SYCP1: variants seen among roughly 807,000 people sequenced by gnomAD.
The protein encoded by SYCP1 is cancer/testis antigen 8.
In SYCP1, 64 loss-of-function variants were observed where a neutral mutation model predicts 153.1. The ratio of observed to expected loss-of-function variants is 0.42; its 90% CI spans 0.34 to 0.51. The LOEUF is 0.51. SYCP1 is among the 20% of genes least tolerant of loss of function. SYCP1 has a pLI of 0.06. For synonymous variants in SYCP1, 384 were observed against 341.8 expected (o/e 1.12, Z -1.36); for missense variants, 997 against 1,049.0 (o/e 0.95, Z 0.68).
In SYCP1 at chr1:114,911,501, T is replaced by C. The variant is rs768173712; in HGVS notation, c.1448T>C (p.Ile483Thr). The C allele has an allele frequency of 1.2e-5, 18 of 1,556,118 alleles. No individual in the cohort carries two copies. Among genetic ancestry groups the C allele is most frequent in the Admixed American group, 2.0e-5 (1 of 49,942 alleles). Residue 483 changes from isoleucine (I) to threonine (T), a missense_variant, in exon 18 of 32, where the codon ATA (isoleucine) becomes ACA (threonine). Ile to Thr is a moderately conservative substitution (Grantham distance 89, BLOSUM62 -1). This residue lies in a region of SYCP1 where 712 missense variants were observed against 682.9 expected (regional missense o/e 1.04). Coordinates refer to ENST00000369522, the MANE Select transcript of SYCP1 (RefSeq NM_003176.4). ...AREKEVHDLE[I>T]QLTAITTSEQ... ...CAGAAAGAAGTACATGATTTGGAAA[T>C]ACAGTTAACTGCCATTACCACAAGT... is the stretch of plus-strand genomic sequence containing the variant.
intron 27 of SYCP1, among the ~76,000 whole-genome samples, chr1:114,977,288 A>G (rs982337655): frequency 1.3e-5 from 2 of 151,806 alleles, no homozygotes; most frequent in Non-Finnish European, 3.0e-5. Flanking sequence ...TACAAATAAG[A>G]AAGCTGAGAT....
At chr1:114,915,023 G>A (rs1353141858) in intron 20 of SYCP1, among the ~76,000 whole-genome samples, 6 of 150,604 alleles carry the variant, frequency 4.0e-5, no homozygotes, top group Non-Finnish European at 7.4e-5. Context: ...TGCCCCCCAC[G>A]ACTTTATGCT....
chr1:114,981,803 C>T (rs936203739), intron 29 of SYCP1, among the ~76,000 whole-genome samples: 9 of 151,842 alleles, frequency 5.9e-5, no homozygotes, highest in South Asian at 2.1e-4. Flanking sequence ...TCATTTTTTT[C>T]GATCACTGTC....
intron 27 of SYCP1, among the ~76,000 whole-genome samples, chr1:114,962,379 C>T (rs1304757585): frequency 6.6e-6 from 1 of 152,124 alleles, no homozygotes. Context: ...GTGATATTTT[C>T]CTGTTAAACA....
chr1:114,976,443 T>G (rs1373175934), intron 27 of SYCP1, among the ~76,000 whole-genome samples: 1 of 151,834 alleles, frequency 6.6e-6, no homozygotes, highest in Non-Finnish European at 1.5e-5. Flanking sequence ...CATTCTTGTA[T>G]GAGCTGTTTC....
At chr1:114,981,642 GT>G (rs1673162476) in intron 29 of SYCP1, 130 bp downstream of exon 29, 1 of 825,532 alleles carries the variant, frequency 1.2e-6, no homozygotes, top group African/African-American at 1.8e-5. Flanking sequence ...TTTTTTTGTG[GT>G]ATCAGCATGA....
chr1:114,887,639 G>T lies in SYCP1; in HGVS notation c.1204G>T (p.Glu402Ter). ...ATATTTTACAAGATTGGAAAAAAAT[G>T]AAGATCAATTGAAAATACTTACCAT... is the stretch of plus-strand genomic sequence containing the variant. ...RTEQQRLEKN[E>*]DQLKILTMEL... Residue 402 changes from glutamate (E) to a stop codon, truncating the protein, a stop_gained, in exon 15 of 32, where the codon GAA becomes TAA. Coordinates refer to ENST00000369522, the MANE Select transcript of SYCP1 (RefSeq NM_003176.4). LOFTEE classifies it high-confidence loss of function. The T allele has an allele frequency of 6.4e-7, 1 of 1,559,678 alleles. No individual in the cohort carries two copies. The highest frequency in any genetic ancestry group is 8.7e-7 in the Non-Finnish European group (1 of 1,149,242).
At chr1:114,933,944 C>A (rs901046122) in intron 23 of SYCP1, among the ~76,000 whole-genome samples, 1 of 152,116 alleles carries the variant, frequency 6.6e-6, no homozygotes, top group African/African-American at 2.4e-5. Flanking sequence ...ATTGGTGTAC[C>A]TGAAAGTGAT....
intron 16 of SYCP1, among the ~76,000 whole-genome samples, chr1:114,899,007 G>T (rs1294629154): frequency 6.6e-6 from 1 of 152,156 alleles, no homozygotes; most frequent in Non-Finnish European, 1.5e-5. Context: ...AACGGTGTGA[G>T]GCCAGTTTTT....
intron 27 of SYCP1, among the ~76,000 whole-genome samples, chr1:114,968,287 C>T (rs933198887): frequency 6.6e-6 from 1 of 152,194 alleles, no homozygotes; most frequent in Non-Finnish European, 1.5e-5. Context: ...CAACTTGGTT[C>T]CATTCTCCCT....
At chr1:114,952,113 G>T (rs1412868316) in intron 27 of SYCP1, among the ~76,000 whole-genome samples, 1 of 152,170 alleles carries the variant, frequency 6.6e-6, no homozygotes, top group Non-Finnish European at 1.5e-5. Flanking sequence ...AAATAAAGCT[G>T]TTATGAACAT....
intron 30 of SYCP1, among the ~76,000 whole-genome samples, chr1:114,989,617 C>T (rs1673780627): frequency 6.6e-6 from 1 of 151,896 alleles, no homozygotes; most frequent in African/African-American, 2.4e-5. Context: ...TTTCAAGACA[C>T]TCATTTTAGA....
At chr1:114,871,760 A>G (rs995748952) in intron 8 of SYCP1, among the ~76,000 whole-genome samples, 4 of 151,876 alleles carry the variant, frequency 2.6e-5, no homozygotes, top group East Asian at 3.9e-4. Context: ...TAATTTTTGT[A>G]TGTTTAGTAG....
At chr1:114,922,255 A>C (rs1170403117) in intron 20 of SYCP1, among the ~76,000 whole-genome samples, 2 of 152,098 alleles carry the variant, frequency 1.3e-5, no homozygotes, top group Non-Finnish European at 1.5e-5. Context: ...CTTTAAGGCC[A>C]ATGACTCTTA....
intron 30 of SYCP1, among the ~76,000 whole-genome samples, chr1:114,990,666 C>A (rs1481801342): frequency 2.0e-5 from 3 of 151,848 alleles, no homozygotes; most frequent in African/African-American, 7.2e-5. Flanking sequence ...TAAGACAATA[C>A]TATAAATAAT....
chr1:114,960,226 G>T (rs1671698643), intron 27 of SYCP1, among the ~76,000 whole-genome samples: 1 of 143,340 alleles, frequency 7.0e-6, no homozygotes, highest in Non-Finnish European at 1.5e-5. Context: ...GGAGTGCAGT[G>T]GTGTGATCTC....
intron 3 of SYCP1, 64 bp from the exon 4 acceptor site, chr1:114,857,168 A>AAAAAAAAAAAAAAAAAAAAAAAAAG: frequency 1.3e-6 from 1 of 789,560 alleles, no homozygotes; most frequent in South Asian, 2.4e-5. Flanking sequence ...GAGAAAAAAG[A>AAAAAAAAAAAAAAAAAAAAAAAAAG]AAAAAAAAAA....
chr1:114,865,365 T>C (rs1320895478), intron 8 of SYCP1, among the ~76,000 whole-genome samples: 1 of 152,246 alleles, frequency 6.6e-6, no homozygotes, highest in Non-Finnish European at 1.5e-5. Flanking sequence ...CTGGATTATG[T>C]TGTGAGAATC....
intron 27 of SYCP1, among the ~76,000 whole-genome samples, chr1:114,968,696 C>G (rs898921002): frequency 6.6e-6 from 1 of 152,192 alleles, no homozygotes; most frequent in African/African-American, 2.4e-5. Flanking sequence ...CAAACTCAGT[C>G]TCCATCCAGT....
Sources: gnomAD v4.1 joint callset for allele counts (sites outside exome capture counted in the v4.1 genomes callset) on GRCh38, gnomAD v4.1.1 for gene constraint, gnomAD v4.1.1 regional missense constraint, MANE v1.5 for transcripts, NCBI Gene and HGNC (gene_info 2026-07-23, HGNC 2026-07-21) for gene names.